SYT1: variants seen among roughly 807,000 people sequenced by gnomAD.
SYT1 encodes synaptotagmin-1.
Under a neutral mutation model 44.8 loss-of-function variants are expected in SYT1, and 8 were observed. That is an observed-to-expected ratio of 0.18 (90% confidence interval 0.10 to 0.32). The LOEUF (loss-of-function observed/expected upper bound fraction) is 0.32. Ranked by LOEUF, SYT1 falls within the 10% of genes least tolerant of loss-of-function variation. The probability of loss-of-function intolerance (pLI) is 1.00; values close to 1 mark genes in which losing one functional copy is unlikely to be tolerated. For missense variants in SYT1, 286 were observed against 509.3 expected, an observed-to-expected ratio of 0.56 and a Z score of 4.22; for synonymous variants, 154 against 188.8, an observed-to-expected ratio of 0.82 and a Z score of 1.51.
At chr12:79,162,003 AG>A (rs1167027848) in intron 3 of SYT1, among the ~76,000 whole-genome samples, 1 of 152,088 alleles carries the variant, frequency 6.6e-6, no homozygotes, top group African/African-American at 2.4e-5. Flanking sequence ...CACAAAGAAA[AG>A]GTTTTCTTGA....
intron 3 of SYT1, among the ~76,000 whole-genome samples, chr12:79,196,094 A>G (rs746424656): frequency 6.6e-6 from 1 of 152,172 alleles, no homozygotes; most frequent in Non-Finnish European, 1.5e-5. Flanking sequence ...GTTAAGACAT[A>G]CTAAGAAACA....
At chr12:79,441,805 G>C (rs896357805) in intron 9 of SYT1, among the ~76,000 whole-genome samples, 6 of 152,166 alleles carry the variant, frequency 3.9e-5, no homozygotes, top group Admixed American at 2.6e-4. Context: ...GCAACTTAGG[G>C]CCTTTGCAGG....
At chr12:79,311,572 T>C (rs1410310630) in intron 8 of SYT1, among the ~76,000 whole-genome samples, 1 of 147,986 alleles carries the variant, frequency 6.8e-6, no homozygotes, top group Non-Finnish European at 1.5e-5. Context: ...TGCACCCGTA[T>C]GTTTATTGCG....
intron 2 of SYT1, among the ~76,000 whole-genome samples, chr12:79,021,003 T>C (rs1872155772): frequency 6.6e-6 from 1 of 151,956 alleles, no homozygotes; most frequent in South Asian, 2.1e-4. Context: ...TTGTAAGCCA[T>C]AACTCTTTTA....
chr12:78,892,913 T>A (rs1875135426), intron 1 of SYT1, among the ~76,000 whole-genome samples: 1 of 151,826 alleles, frequency 6.6e-6, no homozygotes, highest in African/African-American at 2.4e-5. Flanking sequence ...GAAACATAAG[T>A]CATATTCTTG....
intron 5 of SYT1, 148 bp from the exon 6 acceptor site, chr12:79,291,860 C>T (rs758155530): frequency 2.0e-6 from 2 of 994,180 alleles, no homozygotes; most frequent in Admixed American, 1.8e-5. Context: ...AATATGTAAG[C>T]AGCAAATGTG....
intron 2 of SYT1, among the ~76,000 whole-genome samples, chr12:79,016,313 C>T (rs766802014): frequency 3.2e-4 from 49 of 152,144 alleles, no homozygotes; most frequent in Middle Eastern, 3.4e-3. Context: ...TGATATCATA[C>T]GTGTTTCTAG....
At chr12:79,432,183 T>C (rs1459853558) in intron 9 of SYT1, among the ~76,000 whole-genome samples, 2 of 151,928 alleles carry the variant, frequency 1.3e-5, no homozygotes, top group African/African-American at 4.8e-5. Flanking sequence ...CCAGATATTA[T>C]AGATCTTAAA....
chr12:78,953,506 G>A (rs1291397455), intron 1 of SYT1, among the ~76,000 whole-genome samples: 2 of 151,904 alleles, frequency 1.3e-5, no homozygotes, highest in Non-Finnish European at 2.9e-5. Flanking sequence ...TATCATCATC[G>A]CCCAATCCTA....
chr12:79,308,602 GAAAGAAAGAA>G (rs200576629), intron 8 of SYT1, among the ~76,000 whole-genome samples: 5,798 of 87,644 alleles, frequency 0.066, 141 homozygotes, highest in Middle Eastern at 0.12. Flanking sequence ...AAGAAAGAAA[GAAAGAAAGAA>G]AAAGAAAGAA....
chr12:79,210,831 C>G (rs982895594), intron 3 of SYT1, among the ~76,000 whole-genome samples: 1 of 151,910 alleles, frequency 6.6e-6, no homozygotes, highest in Non-Finnish European at 1.5e-5. Context: ...ACCTTCATAT[C>G]TTTTCTACAT....
rs117875065 is a variant in SYT1 at position 79,188,626 on chromosome 12, T to C, written c.-17-28877T>C. Among the ~76,000 whole-genome samples, 154 of 152,258 alleles carry C rather than the reference T, an allele frequency of 1.0e-3. 2 individuals are homozygous for C. In the East Asian group the frequency reaches 0.029, roughly 29 times the overall value. On this transcript the variant is annotated intron_variant, in intron 3 of 10. Transcript: ENST00000261205. ...GCTTTATTCTTTGTTCCATTTCACC[T>C]TTCTAGCTTCACATCTATTCAATGC... is the stretch of plus-strand genomic sequence containing the variant.
intron 2 of SYT1, among the ~76,000 whole-genome samples, chr12:79,009,037 A>C (rs547819783): frequency 8.5e-5 from 13 of 152,202 alleles, no homozygotes; most frequent in Admixed American, 2.6e-4. Context: ...TGATTGTTCC[A>C]TTTAGTGGCC....
chr12:79,108,446 A>G (rs935035316), intron 3 of SYT1, among the ~76,000 whole-genome samples: 2 of 152,066 alleles, frequency 1.3e-5, no homozygotes, highest in Non-Finnish European at 2.9e-5. Flanking sequence ...TAAAAATTCA[A>G]TATAACAAAA....
At chr12:79,193,100 C>T (rs555819038) in intron 3 of SYT1, among the ~76,000 whole-genome samples, 1 of 152,198 alleles carries the variant, frequency 6.6e-6, no homozygotes, top group African/African-American at 2.4e-5. Flanking sequence ...CAACAAACTT[C>T]AGGAAAAACA....
At chr12:79,135,218 G>A (rs1869111276) in intron 3 of SYT1, among the ~76,000 whole-genome samples, 2 of 151,460 alleles carry the variant, frequency 1.3e-5, no homozygotes, top group African/African-American at 4.9e-5. Flanking sequence ...TCGTCATTTA[G>A]CATTAGGTAT....
At chr12:79,142,805 G>T (rs1869642895) in intron 3 of SYT1, among the ~76,000 whole-genome samples, 1 of 152,166 alleles carries the variant, frequency 6.6e-6, no homozygotes, top group African/African-American at 2.4e-5. Flanking sequence ...TGTTGAATAT[G>T]CTTGTGTATG....
chr12:79,116,300 C>T (rs1879272191), intron 3 of SYT1, among the ~76,000 whole-genome samples: 1 of 152,072 alleles, frequency 6.6e-6, no homozygotes, highest in African/African-American at 2.4e-5. Flanking sequence ...GCCCAAAAAG[C>T]CTAACGAAGA....
At chr12:79,083,028 A>T (rs894413642) in intron 3 of SYT1, among the ~76,000 whole-genome samples, 14 of 152,134 alleles carry the variant, frequency 9.2e-5, no homozygotes, top group African/African-American at 3.1e-4. Flanking sequence ...ACACAAATGA[A>T]AAAAAAGGTA....
Sources: gnomAD v4.1 joint callset for allele counts (sites outside exome capture counted in the v4.1 genomes callset) on GRCh38, gnomAD v4.1.1 for gene constraint, MANE v1.5 for transcripts, NCBI Gene and HGNC (gene_info 2026-07-23, HGNC 2026-07-21) for gene names.